Variants in KIFBP observed in about 807,000 individuals in gnomAD.
KIFBP encodes kinesin family binding protein.
A neutral mutation model predicts 58.9 loss-of-function variants in KIFBP; 46 were observed. That is an observed-to-expected ratio of 0.78 (90% CI 0.62 to 1.00). The LOEUF is 1.00. KIFBP is among the 50% of genes least tolerant of loss of function. KIFBP has a pLI of 0.00. For synonymous variants in KIFBP, 241 were observed against 283.4 expected, an observed-to-expected ratio of 0.85 and a Z score of 1.50; for missense variants, 651 against 752.9, an observed-to-expected ratio of 0.86 and a Z score of 1.58.
chr10:69,000,007 T>C (rs561383780), intron 1 of KIFBP, among the ~76,000 whole-genome samples: 1 of 139,692 alleles, frequency 7.2e-6, no homozygotes, highest in East Asian at 2.1e-4. Context: ...ACCATGCCAC[T>C]GCACTCCATC....
intron 1 of KIFBP, among the ~76,000 whole-genome samples, chr10:68,992,699 T>C (rs1843363146): frequency 6.6e-6 from 1 of 152,182 alleles, no homozygotes; most frequent in Non-Finnish European, 1.5e-5. Context: ...GAGGATGTAG[T>C]AGGAGCAGTG....
At chr10:68,993,087 C>T (rs898602366) in intron 1 of KIFBP, among the ~76,000 whole-genome samples, 2 of 152,174 alleles carry the variant, frequency 1.3e-5, no homozygotes, top group African/African-American at 2.4e-5. Flanking sequence ...TCTGGGCTCT[C>T]GTTGGGTGAG....
chr10:69,009,459 A>C (rs1165804301), intron 5 of KIFBP, among the ~76,000 whole-genome samples: 1 of 152,236 alleles, frequency 6.6e-6, no homozygotes, highest in Non-Finnish European at 1.5e-5. Context: ...TGGATTATAC[A>C]GTTCAAGATT....
chr10:69,005,852 T>G lies in KIFBP; in HGVS notation c.726T>G (p.Asn242Lys). The change falls in exon 4 of 7, where the codon AAT becomes AAG. Residue 242 changes from asparagine (N) to lysine (K), a missense_variant. By Grantham distance (94) the Asn-to-Lys change is moderately conservative (BLOSUM62 0). Transcript: ENST00000361983. Reference protein sequence around the residue: ...HSTLKRQLEHNAYHPIEWAIN... With the variant: ...HSTLKRQLEHKAYHPIEWAIN... ...CACTAAAACGCCAGCTTGAGCACAA[T>G]GCCTACCATCCTATAGAGTGGGCTA... 6.2e-7 allele frequency: 1 copy of G among 1,614,162 alleles called. No homozygotes were observed. The highest frequency in any genetic ancestry group is 2.2e-5 in the East Asian group (1 of 44,890).
chr10:68,993,174 G>A (rs1250015229), intron 1 of KIFBP, among the ~76,000 whole-genome samples: 3 of 152,078 alleles, frequency 2.0e-5, no homozygotes, highest in Non-Finnish European at 2.9e-5. Flanking sequence ...TTCTGAACAG[G>A]CAGTACTCCT....
chr10:69,002,781 C>T (rs955572039), intron 2 of KIFBP, among the ~76,000 whole-genome samples: 2 of 151,550 alleles, frequency 1.3e-5, no homozygotes, highest in African/African-American at 2.4e-5. Flanking sequence ...CCAGCTACTT[C>T]GGGGGCTGAG....
chr10:68,994,940 G>A (rs1369558045), intron 1 of KIFBP, among the ~76,000 whole-genome samples: 1 of 151,744 alleles, frequency 6.6e-6, no homozygotes, highest in Non-Finnish European at 1.5e-5. Context: ...GTCTTACTAT[G>A]TTGCCTAGGC....
chr10:69,010,915 G>A lies in KIFBP; in HGVS notation c.890G>A (p.Gly297Glu). The change falls in exon 6 of 7, where the codon GGA becomes GAA. Residue 297 changes from glycine (G) to glutamate (E), a missense_variant. Physicochemically the swap from Gly to Glu is moderately conservative, Grantham distance 98 (BLOSUM62 -2). Coordinates refer to ENST00000361983, the MANE Select transcript of KIFBP (RefSeq NM_015634.4). ...SATEDTPEAE[G>E]EVPELYHQRK... The stretch of plus-strand genomic sequence containing the variant: ...TATATTTTAGCTCCTGAAGCTGAAG[G>A]AGAAGTGCCAGAGCTTTATCATCAA... 1 of 1,613,266 alleles carries A rather than the reference G, an allele frequency of 6.2e-7. No homozygotes were observed. The highest frequency in any genetic ancestry group is 8.5e-7 in the Non-Finnish European group (1 of 1,179,216).
At chr10:69,007,214 A>G (rs1367067981) in intron 4 of KIFBP, among the ~76,000 whole-genome samples, 1 of 152,248 alleles carries the variant, frequency 6.6e-6, no homozygotes, top group Non-Finnish European at 1.5e-5. Flanking sequence ...TGGAGCATGC[A>G]GTAATTTTCA....
intron 3 of KIFBP, 143 bp from the exon 4 acceptor site, chr10:69,005,589 T>C (rs1485596558): frequency 1.6e-6 from 1 of 640,436 alleles, no homozygotes; most frequent in African/African-American, 1.8e-5. Flanking sequence ...GGCAGGAGAA[T>C]TGCTTGAACC....
At position 69,008,897 on chromosome 10, in the gene KIFBP, A is replaced by G; in HGVS notation, c.846A>G (p.Gln282=). The change falls in exon 5 of 7, where the codon CAA becomes CAG. Residue 282 remains glutamine, a synonymous_variant. Coordinates refer to ENST00000361983, the MANE Select transcript of KIFBP (RefSeq NM_015634.4). Reference sequence around the variant, plus strand: ...CAGCTGCTAATGTCATTTTTGGTCAAACTGGAAAGATCTCAGCCACAGAAG... The same window carrying G: ...CAGCTGCTAATGTCATTTTTGGTCAGACTGGAAAGATCTCAGCCACAGAAG... ...CLSAANVIFG[Q]TGKISATEDT... The G allele has an allele frequency of 6.2e-7, 1 of 1,613,700 alleles. No individual in the cohort carries two copies. Among genetic ancestry groups the G allele is most frequent in the Non-Finnish European group, 8.5e-7 (1 of 1,179,702 alleles).
chr10:68,989,377 C>A, intron 1 of KIFBP, 119 bp downstream of exon 1: 1 of 1,130,714 alleles, frequency 8.8e-7, no homozygotes, highest in Non-Finnish European at 1.3e-6. Context: ...GTTTTTGTAG[C>A]TCTGGACTGA....
chr10:69,000,512 A>G lies in KIFBP; in HGVS notation c.515A>G (p.Tyr172Cys). ...LESSEALYNQ[Y>C]MKEVGSPPLD... ...TCATCAGAAGCACTATATAATCAGT[A>G]TATGAAAGAGGTATGTTACATGTCA... Residue 172 changes from tyrosine to cysteine, a missense_variant, in exon 2 of 7, where the codon TAT becomes TGT. Physicochemically the swap from Tyr to Cys is radical, Grantham distance 194. Coordinates refer to ENST00000361983, the MANE Select transcript of KIFBP (RefSeq NM_015634.4). The G allele has an allele frequency of 1.3e-6, 2 of 1,592,530 alleles. No homozygotes were observed. The highest frequency in any genetic ancestry group is 1.7e-6 in the Non-Finnish European group (2 of 1,160,536).
chr10:68,991,567 G>A (rs1417725584), intron 1 of KIFBP: 2 of 428,224 alleles, frequency 4.7e-6, no homozygotes, highest in Non-Finnish European at 9.8e-6. Context: ...AGCAAGTGCT[G>A]GAGGTCATCA....
chr10:69,014,440 T>G (rs1169498564), intron 6 of KIFBP, among the ~76,000 whole-genome samples: 2 of 152,140 alleles, frequency 1.3e-5, no homozygotes, highest in Non-Finnish European at 2.9e-5. Flanking sequence ...TCAGAAGGGA[T>G]GGAGCAAAGG....
chr10:69,006,064 C>A, intron 4 of KIFBP, 149 bp downstream of exon 4: 2 of 687,998 alleles, frequency 2.9e-6, no homozygotes, highest in South Asian at 2.1e-5. Context: ...CCAGTTTGCC[C>A]GTGTACTAAA....
rs1293034470 is a variant in KIFBP, at chr10:69,016,465, C to T, written c.*49C>T. The stretch of plus-strand genomic sequence containing the variant: ...TGTGCAATATTGAAGTGATCTTTTT[C>T]CCTAGTCAGACAGGCCCAATTCCAT... On this transcript the variant is annotated 3_prime_UTR_variant, in exon 7 of 7. Coordinates refer to ENST00000361983, the MANE Select transcript of KIFBP (RefSeq NM_015634.4). 5 of 1,595,412 alleles carry T rather than the reference C, an allele frequency of 3.1e-6. No homozygotes were observed. The highest frequency in any genetic ancestry group is 4.3e-6 in the Non-Finnish European group (5 of 1,165,820).
At chr10:69,007,633 C>G (rs535236110) in intron 4 of KIFBP, 7 of 152,268 alleles carry the variant, frequency 4.6e-5, no homozygotes, top group African/African-American at 1.7e-4. Context: ...ATAGATGTTG[C>G]TGGGCTAATA....
chr10:69,007,397 A>G lies in KIFBP; in HGVS notation c.790-1444A>G, dbSNP rs1843546687. 2.0e-5 allele frequency among the ~76,000 whole-genome samples: 3 copies of G among 152,280 alleles called. No homozygotes were observed. The South Asian group carries it at 6.2e-4, about 32-fold the overall frequency. The stretch of plus-strand genomic sequence containing the variant: ...CTGATTCCAGTGATGAGGTTTTGCT[A>G]CTTGGTGAATCCCTACCTGGCAGCT... On this transcript the variant is annotated intron_variant, in intron 4 of 6. Transcript: ENST00000361983.
Sources: allele counts gnomAD v4.1 joint callset (sites outside exome capture counted in the v4.1 genomes callset), GRCh38; gene constraint gnomAD v4.1.1; transcripts MANE v1.5; gene names NCBI Gene and HGNC (gene_info 2026-07-23, HGNC 2026-07-21).